PCDHA7: variants seen among roughly 807,000 people sequenced by gnomAD.
PCDHA7 encodes the protein protocadherin alpha 7, also known as protocadherin alpha-7.
Under a neutral mutation model 57.2 loss-of-function variants are expected in PCDHA7, and 37 were observed. The observed-to-expected ratio is 0.65, with a 90% CI of 0.50 to 0.85. The LOEUF (loss-of-function observed/expected upper bound fraction) is 0.85, where lower values mean the gene tolerates loss of function less well. Among genes scored for constraint, PCDHA7 ranks in the 40% least tolerant of loss-of-function variants. The probability of loss-of-function intolerance (pLI) is 0.00; values close to 1 mark genes in which losing one functional copy is unlikely to be tolerated. For synonymous variants in PCDHA7, 553 were observed against 558.8 expected, an observed-to-expected ratio of 0.99 and a Z score of 0.15; for missense variants, 1,188 against 1,241.8, an observed-to-expected ratio of 0.96 and a Z score of 0.65.
intron 1 of PCDHA7, among the ~76,000 whole-genome samples, chr5:140,941,369 T>C (rs2093052615): frequency 6.8e-6 from 1 of 147,356 alleles, no homozygotes; most frequent in Non-Finnish European, 1.5e-5. Context: ...TAGGCTGGAG[T>C]GTAGTGACAG....
At chr5:140,977,356 TA>T (rs2096758024) in intron 1 of PCDHA7, among the ~76,000 whole-genome samples, 1 of 152,250 alleles carries the variant, frequency 6.6e-6, no homozygotes, top group South Asian at 2.1e-4. Flanking sequence ...GACTGATTGA[TA>T]AAAAGTATTT....
Position 140,843,393 on chromosome 5 carries a change from C to T in PCDHA7, c.2355+6655C>T. ...TCGGCTGGCGTTTTGGGTCCGGAAG[C>T]GGCGCTGGTGGATGTCAACGTGTAC... On this transcript the variant is annotated intron_variant, in intron 1 of 3. Coordinates refer to ENST00000525929, the MANE Select transcript of PCDHA7 (RefSeq NM_018910.3). The T allele has an allele frequency of 1.9e-6, 3 of 1,596,052 alleles. 1 individual carries two copies. Among genetic ancestry groups the T allele is most frequent in the South Asian group, 2.2e-5 (2 of 90,510 alleles).
chr5:140,877,016 G>A (rs781790454), intron 1 of PCDHA7: 2 of 1,612,362 alleles, frequency 1.2e-6, no homozygotes, highest in Non-Finnish European at 1.7e-6. Context: ...GCGGAGAGCG[G>A]CAAGGTGTAC....
At chr5:140,879,653 AACAAACGAAC>A (rs1168940497) in intron 1 of PCDHA7, among the ~76,000 whole-genome samples, 1 of 152,232 alleles carries the variant, frequency 6.6e-6, no homozygotes, top group African/African-American at 2.4e-5. Flanking sequence ...TGGCTGCTAT[AACAAACGAAC>A]ACAAACTGGG....
At chr5:140,948,271 T>C (rs1295867135) in intron 1 of PCDHA7, among the ~76,000 whole-genome samples, 4 of 151,646 alleles carry the variant, frequency 2.6e-5, no homozygotes, top group Non-Finnish European at 5.9e-5. Flanking sequence ...TCATGTAGAA[T>C]ATCTGTAAAT....
intron 1 of PCDHA7, among the ~76,000 whole-genome samples, chr5:140,901,632 G>A (rs768343428): frequency 6.6e-5 from 10 of 152,172 alleles, no homozygotes; most frequent in Non-Finnish European, 1.3e-4. Flanking sequence ...GTCAGGTAAT[G>A]TGATTCTTCC....
At chr5:140,871,192 G>GTGTACC (rs1171954428) in intron 1 of PCDHA7, 40 of 1,613,550 alleles carry the variant, frequency 2.5e-5, no homozygotes, top group Non-Finnish European at 3.1e-5. Context: ...GGATGTCAAC[G>GTGTACC]TGTACCTGAT....
intron 1 of PCDHA7, chr5:140,866,984 A>G (rs2049692494): frequency 6.6e-6 from 1 of 152,180 alleles, no homozygotes; most frequent in African/African-American, 2.4e-5. Flanking sequence ...ATCACAGCCA[A>G]AATGCAAAAG....
At chr5:141,002,333 G>A (rs782123745) in intron 3 of PCDHA7, among the ~76,000 whole-genome samples, 15 of 152,314 alleles carry the variant, frequency 9.8e-5, no homozygotes, top group Non-Finnish European at 1.8e-4. Flanking sequence ...GGCTGCATCC[G>A]CACCCCTTCC....
intron 1 of PCDHA7, among the ~76,000 whole-genome samples, chr5:140,976,851 T>C (rs1402328541): frequency 6.6e-6 from 1 of 152,206 alleles, no homozygotes; most frequent in African/African-American, 2.4e-5. Context: ...ATCCCTTTCA[T>C]AGAGTTTACT....
intron 1 of PCDHA7, among the ~76,000 whole-genome samples, chr5:140,974,689 T>A (rs2153804618): frequency 1.3e-5 from 2 of 152,208 alleles, no homozygotes; most frequent in South Asian, 4.1e-4. Flanking sequence ...TTTTGTATTT[T>A]TGGGTTTCAC....
At chr5:140,838,058 CT>C in intron 1 of PCDHA7, among the ~76,000 whole-genome samples, 1 of 146,710 alleles carries the variant, frequency 6.8e-6, no homozygotes, top group East Asian at 2.0e-4. Context: ...TGGTTTTCCA[CT>C]TTAAGTTATA....
chr5:140,875,668 G>A lies in PCDHA7; in HGVS notation c.2355+38930G>A, dbSNP rs1554167843. On this transcript the variant is annotated intron_variant, in intron 1 of 3. Transcript: ENST00000525929. ...GGAGCTGGTGCCGCGCCTGTTCCGG[G>A]TGGCGTCCAAAAGACACGGGGACCT... 4.3e-6 allele frequency: 7 copies of A among 1,613,726 alleles called. No homozygotes were observed. The highest frequency in any genetic ancestry group is 3.3e-5 in the South Asian group (3 of 91,074).
intron 1 of PCDHA7, chr5:140,968,754 G>A (rs782271569): frequency 1.2e-5 from 19 of 1,614,052 alleles, no homozygotes; most frequent in South Asian, 2.2e-5. Context: ...GTGGTGGTCC[G>A]AGATAATGGA....
chr5:140,938,991 T>C (rs2092291799), intron 1 of PCDHA7, among the ~76,000 whole-genome samples: 2 of 152,230 alleles, frequency 1.3e-5, no homozygotes, highest in South Asian at 2.1e-4. Context: ...TGGCTTTATA[T>C]AGTAAGTTAA....
rs1773151452 is a variant in PCDHA7 at position 140,834,620 on chromosome 5, G to A, written c.237G>A (p.Leu79=). ...GTGGGGATCTTCTGGAGGTAAATCT[G>A]CAGAATGGCATTTTGTTTGTGAATT... ...KFRGDLLEVN[L]QNGILFVNSR... is the part of the protein sequence containing the mutation. The change falls in exon 1 of 4, where the codon CTG becomes CTA. Residue 79 remains leucine, a synonymous_variant. Transcript: ENST00000525929. 3 of 1,614,080 alleles carry A rather than the reference G, an allele frequency of 1.9e-6. No homozygotes were observed. The highest frequency in any genetic ancestry group is 2.5e-6 in the Non-Finnish European group (3 of 1,180,032).
intron 1 of PCDHA7, chr5:140,967,813 C>T (rs12153295): frequency 0.14 from 229,585 of 1,614,060 alleles, 17,281 homozygotes; most frequent in Middle Eastern, 0.18. Context: ...CAGGTCACTG[C>T]AAGGTGCTGG....
intron 1 of PCDHA7, chr5:140,837,064 G>A: frequency 5.4e-6 from 1 of 186,332 alleles, no homozygotes; most frequent in Non-Finnish European, 1.1e-5. Context: ...TCCATATTTT[G>A]ATAATCAATA....
chr5:140,923,527 C>T (rs2081405445), intron 1 of PCDHA7, among the ~76,000 whole-genome samples: 1 of 151,652 alleles, frequency 6.6e-6, no homozygotes, highest in South Asian at 2.1e-4. Context: ...AGATTCTGTC[C>T]CAAAAAAAGG....
Sources: allele counts gnomAD v4.1 joint callset (sites outside exome capture counted in the v4.1 genomes callset), GRCh38; gene constraint gnomAD v4.1.1; transcripts MANE v1.5; gene names NCBI Gene and HGNC (gene_info 2026-07-23, HGNC 2026-07-21).